Variants in CEP112 observed in about 807,000 individuals in gnomAD.
CEP112 encodes centrosomal protein 112, also known as centrosomal protein of 112 kDa.
CEP112 carries 127 observed loss-of-function variants against 153.0 expected under a neutral mutation model. The ratio of observed to expected loss-of-function variants is 0.83; its 90% confidence interval spans 0.72 to 0.96. The LOEUF (loss-of-function observed/expected upper bound fraction) is 0.96. Among genes scored for constraint, CEP112 ranks in the 40% least tolerant of loss-of-function variants. The pLI, the probability that CEP112 is intolerant of heterozygous loss-of-function variation, is 0.00. For synonymous variants in CEP112, 358 were observed against 374.4 expected (o/e 0.96, Z 0.51); for missense variants, 1,089 against 1,101.2 (o/e 0.99, Z 0.16).
intron 17 of CEP112, among the ~76,000 whole-genome samples, chr17:65,965,323 T>C (rs973074419): frequency 4.6e-5 from 7 of 152,276 alleles, no homozygotes; most frequent in African/African-American, 1.7e-4. Flanking sequence ...AAATAGCAAA[T>C]ATTGTTTTAT....
At chr17:66,068,897 G>A (rs2067214141) in intron 9 of CEP112, among the ~76,000 whole-genome samples, 1 of 151,622 alleles carries the variant, frequency 6.6e-6, no homozygotes, top group South Asian at 2.1e-4. Context: ...TTATGATAGA[G>A]AACTATTATC....
intron 23 of CEP112, among the ~76,000 whole-genome samples, chr17:65,711,781 T>C (rs2049197166): frequency 6.6e-6 from 1 of 152,128 alleles, no homozygotes; most frequent in Non-Finnish European, 1.5e-5. Context: ...GTACAAGAAG[T>C]GCAAGAGGGT....
At chr17:66,151,310 C>T (rs935302173) in intron 4 of CEP112, among the ~76,000 whole-genome samples, 1 of 151,836 alleles carries the variant, frequency 6.6e-6, no homozygotes, top group African/African-American at 2.4e-5. Flanking sequence ...TATAGTATTC[C>T]ATTTTAATCC....
rs232134 is a variant in CEP112, at chr17:65,694,699, T to C, written c.2608-5481A>G. Among the ~76,000 whole-genome samples, 1,402 of 152,286 alleles carry C rather than the reference T, an allele frequency of 9.2e-3. 17 individuals carry two copies. The highest frequency in any genetic ancestry group is 0.032 in the African/African-American group (1,332 of 41,552). ...GGTCCTGGTTTTATATTCTAAAAGA[T>C]TATTAGGTTATTAGAGTTCCAACCT... On this transcript the variant is annotated intron_variant, in intron 23 of 26. Coordinates refer to ENST00000535342, the MANE Select transcript of CEP112 (RefSeq NM_001199165.4).
chr17:65,653,211 A>G (rs1309670694), intron 24 of CEP112, among the ~76,000 whole-genome samples: 1 of 152,194 alleles, frequency 6.6e-6, no homozygotes, highest in East Asian at 1.9e-4. Context: ...ATTTTCTCAG[A>G]TCCTTGTCAA....
At chr17:66,070,763 T>C (rs1443273) in intron 8 of CEP112, among the ~76,000 whole-genome samples, 152,016 of 152,272 alleles carry the variant, frequency 1, 75,881 homozygotes, top group Middle Eastern at 1. Context: ...AAGTATTTGG[T>C]CACATGATTC....
chr17:66,099,504 C>CAAAAAAAAAAAAAAAA (rs71160532), intron 6 of CEP112, among the ~76,000 whole-genome samples: 2 of 113,964 alleles, frequency 1.8e-5, no homozygotes, highest in African/African-American at 3.9e-5. Flanking sequence ...AACTCTGTCT[C>CAAAAAAAAAAAAAAAA]AAAAAAAAAA....
At chr17:65,824,653 G>A (rs2146047940) in intron 21 of CEP112, among the ~76,000 whole-genome samples, 1 of 152,364 alleles carries the variant, frequency 6.6e-6, no homozygotes, top group Admixed American at 6.5e-5. Context: ...GAGTTACCAA[G>A]TCTTCCAGGC....
chr17:66,140,814 T>A (rs970879544), intron 4 of CEP112, among the ~76,000 whole-genome samples: 4 of 151,994 alleles, frequency 2.6e-5, no homozygotes, highest in African/African-American at 4.8e-5. Flanking sequence ...ATTTTTTTTT[T>A]ATTTTTATTT....
chr17:65,947,400 G>C (rs1242171329), intron 18 of CEP112, among the ~76,000 whole-genome samples: 1 of 151,992 alleles, frequency 6.6e-6, no homozygotes, highest in African/African-American at 2.4e-5. Context: ...CCCGTCTGTT[G>C]AATCCTTTGA....
At chr17:66,059,662 G>C (rs1402629851) in intron 11 of CEP112, among the ~76,000 whole-genome samples, 1 of 152,150 alleles carries the variant, frequency 6.6e-6, no homozygotes, top group Non-Finnish European at 1.5e-5. Context: ...ATGCTGGCAA[G>C]GTTGCAGAGA....
At chr17:65,944,870 G>A (rs1376431909) in intron 18 of CEP112, among the ~76,000 whole-genome samples, 2 of 152,138 alleles carry the variant, frequency 1.3e-5, no homozygotes, top group South Asian at 2.1e-4. Flanking sequence ...GAGTCACCAC[G>A]CCTGGCCAAA....
intron 24 of CEP112, among the ~76,000 whole-genome samples, chr17:65,687,414 C>A (rs997730019): frequency 2.0e-5 from 3 of 152,084 alleles, no homozygotes; most frequent in African/African-American, 7.2e-5. Flanking sequence ...GATCCGCCCA[C>A]CTTGGCCTCC....
In CEP112 at chr17:66,183,251, A is replaced by C. The variant is rs1407525813; in HGVS notation, c.49T>G (p.Phe17Val). The change falls in exon 2 of 27, where the codon TTT (phenylalanine) becomes GTT (valine). Residue 17 changes from phenylalanine to valine, a missense_variant. Phe to Val is a conservative substitution (Grantham distance 50, BLOSUM62 -1). Transcript: ENST00000535342. ...TTCATATCAACCACAAAGTGATCAAATTCTGCATCCAGCTTCTCCCATTTT... is the reference window on the plus strand; with the variant it reads ...TTCATATCAACCACAAAGTGATCAACTTCTGCATCCAGCTTCTCCCATTTT... ...EEKWEKLDAE[F>V]DHFVVDMKPF... The C allele has an allele frequency of 6.2e-7, 1 of 1,612,848 alleles. No homozygotes were observed. Among genetic ancestry groups the C allele is most frequent in the African/African-American group, 1.3e-5 (1 of 74,876 alleles).
chr17:65,932,963 C>T (rs184125505), intron 18 of CEP112, among the ~76,000 whole-genome samples: 49 of 151,958 alleles, frequency 3.2e-4, no homozygotes, highest in East Asian at 3.9e-4. Context: ...AATATGCAGA[C>T]AAAAGAATTA....
intron 21 of CEP112, among the ~76,000 whole-genome samples, chr17:65,850,173 A>AG (rs2146294352): frequency 6.6e-6 from 1 of 151,772 alleles, no homozygotes; most frequent in African/African-American, 2.4e-5. Context: ...AAAAAAAAAA[A>AG]AAAAGAATAT....
At chr17:66,097,803 CAAAT>C (rs1418868004) in intron 6 of CEP112, among the ~76,000 whole-genome samples, 1 of 152,152 alleles carries the variant, frequency 6.6e-6, no homozygotes, top group Non-Finnish European at 1.5e-5. Flanking sequence ...ATTTCACTCA[CAAAT>C]AAAGTGATAA....
At chr17:65,783,762 G>C (rs1267522558) in intron 21 of CEP112, among the ~76,000 whole-genome samples, 1 of 152,292 alleles carries the variant, frequency 6.6e-6, no homozygotes, top group Admixed American at 6.5e-5. Context: ...AAGGTGTCCA[G>C]TTGGCTCTGT....
chr17:65,813,249 T>A (rs1407331708), intron 21 of CEP112, among the ~76,000 whole-genome samples: 1 of 152,020 alleles, frequency 6.6e-6, no homozygotes, highest in African/African-American at 2.4e-5. Context: ...TCCAAAGTGA[T>A]CAATAAGAGC....
Sources: gnomAD v4.1 joint callset for allele counts (sites outside exome capture counted in the v4.1 genomes callset) on GRCh38, gnomAD v4.1.1 for gene constraint, MANE v1.5 for transcripts, NCBI Gene and HGNC (gene_info 2026-07-23, HGNC 2026-07-21) for gene names.